AATF: variants seen among roughly 807,000 people sequenced by gnomAD.
The protein encoded by AATF is apoptosis antagonizing transcription factor.
AATF carries 48 observed loss-of-function variants against 63.7 expected under a neutral mutation model. The ratio of observed to expected loss-of-function variants is 0.75; its 90% CI spans 0.60 to 0.96. The LOEUF (loss-of-function observed/expected upper bound fraction) is 0.96. Among genes scored for constraint, AATF ranks in the 40% least tolerant of loss-of-function variants. AATF has a pLI of 0.00. For missense variants in AATF, 639 were observed against 685.7 expected (o/e 0.93, Z 0.76); for synonymous variants, 258 against 247.7 (o/e 1.04, Z -0.39).
At chr17:37,013,343 G>A (rs1418077932) in intron 8 of AATF, among the ~76,000 whole-genome samples, 1 of 152,194 alleles carries the variant, frequency 6.6e-6, no homozygotes, top group African/African-American at 2.4e-5. Context: ...GTTCTCAAGT[G>A]TCTTAGTCTG....
chr17:36,963,199 G>A (rs2070962735), intron 4 of AATF, among the ~76,000 whole-genome samples: 1 of 152,230 alleles, frequency 6.6e-6, no homozygotes, highest in Admixed American at 6.5e-5. Flanking sequence ...TTTATTCAGT[G>A]AGCGTAGGGT....
At chr17:37,005,125 G>T (rs1040220626) in intron 8 of AATF, among the ~76,000 whole-genome samples, 7 of 150,302 alleles carry the variant, frequency 4.7e-5, no homozygotes, top group African/African-American at 1.7e-4. Context: ...GAAATTTTGT[G>T]TTTGACTTTG....
intron 8 of AATF, among the ~76,000 whole-genome samples, chr17:37,010,030 G>A (rs1005647413): frequency 6.6e-6 from 1 of 152,146 alleles, no homozygotes; most frequent in Non-Finnish European, 1.5e-5. Flanking sequence ...TTCCTAGGTC[G>A]ATAATGGTGC....
intron 8 of AATF, among the ~76,000 whole-genome samples, chr17:37,009,187 A>G (rs890325995): frequency 1.3e-5 from 2 of 152,042 alleles, no homozygotes; most frequent in African/African-American, 4.8e-5. Context: ...GCTGGAGTGC[A>G]GTGGCGCGAT....
At chr17:36,992,469 A>G (rs1472452312) in intron 8 of AATF, among the ~76,000 whole-genome samples, 3 of 152,208 alleles carry the variant, frequency 2.0e-5, no homozygotes, top group African/African-American at 7.2e-5. Context: ...GTGTGAGATC[A>G]CGGGAGACAA....
intron 4 of AATF, among the ~76,000 whole-genome samples, chr17:36,971,736 G>A (rs1437836560): frequency 6.6e-6 from 1 of 152,134 alleles, no homozygotes; most frequent in East Asian, 1.9e-4. Flanking sequence ...ATAAACTATT[G>A]ATACATGCAA....
chr17:36,950,037 T>G (rs1328762076), intron 1 of AATF, among the ~76,000 whole-genome samples, 177 bp from the exon 2 acceptor site: 2 of 152,196 alleles, frequency 1.3e-5, no homozygotes, highest in East Asian at 3.8e-4. Flanking sequence ...AACTTTCTGT[T>G]TAGAAACAGC....
chr17:36,953,830 A>G lies in AATF; in HGVS notation c.755A>G (p.Asn252Ser), dbSNP rs1249001849. 7.4e-6 allele frequency: 12 copies of G among 1,614,014 alleles called. No homozygotes were observed. In the Admixed American group the frequency reaches 1.3e-4, roughly 18 times the overall value. Residue 252 changes from asparagine to serine, a missense_variant, in exon 4 of 12, where the codon AAC becomes AGC. Asn to Ser is a conservative substitution (Grantham distance 46, BLOSUM62 1). Coordinates refer to ENST00000619387, the MANE Select transcript of AATF (RefSeq NM_012138.4). Reference protein sequence around the residue: ...IKLQKALLTTNQLPQPDVFPL... With the variant: ...IKLQKALLTTSQLPQPDVFPL... ...CTACAAAAAGCTCTGTTGACCACCA[A>G]CCAGCTTCCTCAACCAGATGTTTTC...
chr17:37,040,061 G>A (rs1206637064), intron 11 of AATF, among the ~76,000 whole-genome samples: 1 of 152,090 alleles, frequency 6.6e-6, no homozygotes, highest in East Asian at 1.9e-4. Context: ...TTTAAAGTGT[G>A]TGTAAATGTT....
At chr17:37,038,053 C>T (rs1327043684) in intron 11 of AATF, among the ~76,000 whole-genome samples, 3 of 152,112 alleles carry the variant, frequency 2.0e-5, no homozygotes, top group Admixed American at 6.6e-5. Flanking sequence ...CCTGCAGAAC[C>T]GTGAGCCAAT....
At chr17:36,972,621 G>A (rs966245804) in intron 4 of AATF, among the ~76,000 whole-genome samples, 1 of 151,776 alleles carries the variant, frequency 6.6e-6, no homozygotes, top group South Asian at 2.1e-4. Context: ...TGTATAGAAA[G>A]TGTTTTTTTC....
chr17:36,955,674 T>C (rs1016217153), intron 4 of AATF, among the ~76,000 whole-genome samples: 2 of 152,176 alleles, frequency 1.3e-5, no homozygotes, highest in Admixed American at 1.3e-4. Context: ...GCTTGAGCCT[T>C]TTTCATTTTA....
At chr17:36,994,294 T>C (rs1178951132) in intron 8 of AATF, among the ~76,000 whole-genome samples, 1 of 152,238 alleles carries the variant, frequency 6.6e-6, no homozygotes, top group Non-Finnish European at 1.5e-5. Context: ...AGTTTTCACT[T>C]TGTAAATAAA....
intron 8 of AATF, among the ~76,000 whole-genome samples, chr17:37,006,656 G>A (rs552728799): frequency 2.0e-5 from 3 of 152,268 alleles, no homozygotes; most frequent in African/African-American, 7.2e-5. Flanking sequence ...ATTAGACATT[G>A]GGAGACACGA....
chr17:36,990,816 T>C lies in AATF; in HGVS notation c.1357T>C (p.Leu453=), dbSNP rs1369802442. Residue 453 remains leucine, a synonymous_variant, in exon 8 of 12, where the codon TTG becomes CTG. Transcript: ENST00000619387. The stretch of plus-strand genomic sequence containing the variant: ...CCCTGCTAATGCTCATCTGAAGGAC[T>C]TGGATGAAGAAATCTTTGATGATGA... ...QAPANAHLKD[L]DEEIFDDDDF... 1 of 1,595,164 alleles carries C rather than the reference T, an allele frequency of 6.3e-7. No individual in the cohort carries two copies. The highest frequency in any genetic ancestry group is 8.5e-7 in the Non-Finnish European group (1 of 1,173,730).
chr17:36,994,466 T>A (rs1478874121), intron 8 of AATF, among the ~76,000 whole-genome samples: 2 of 152,244 alleles, frequency 1.3e-5, no homozygotes, highest in African/African-American at 4.8e-5. Context: ...CTGGAATTGC[T>A]GAAAGCATGA....
In AATF at chr17:36,950,339, G is replaced by A; in HGVS notation, c.217G>A (p.Gly73Ser). ...SLLDTDKRYC[G>S]KTTSRKAWNE... ...CTTGGACACGGACAAAAGGTATTGC[G>A]GCAAAACCACCTCTAGAAAAGCATG... is the stretch of plus-strand genomic sequence containing the variant. Residue 73 changes from glycine to serine, a missense_variant, in exon 2 of 12, where the codon GGC becomes AGC. Coordinates refer to ENST00000619387, the MANE Select transcript of AATF (RefSeq NM_012138.4). 1.2e-6 allele frequency: 2 copies of A among 1,614,076 alleles called. No individual in the cohort carries two copies. The highest frequency in any genetic ancestry group is 1.1e-5 in the South Asian group (1 of 91,078).
At chr17:37,032,905 A>C (rs555243219) in intron 11 of AATF, among the ~76,000 whole-genome samples, 2 of 152,330 alleles carry the variant, frequency 1.3e-5, no homozygotes, top group East Asian at 3.9e-4. Flanking sequence ...TGCTATGAGA[A>C]GCATTTTTAA....
intron 10 of AATF, chr17:37,031,405 C>T (rs1450632576): frequency 1.7e-6 from 1 of 592,388 alleles, no homozygotes; most frequent in East Asian, 2.8e-5. Flanking sequence ...CATAGAGAGT[C>T]CTGGAACCAT....
Sources: allele counts gnomAD v4.1 joint callset (sites outside exome capture counted in the v4.1 genomes callset), GRCh38; gene constraint gnomAD v4.1.1; transcripts MANE v1.5; gene names NCBI Gene and HGNC (gene_info 2026-07-23, HGNC 2026-07-21).